Variants in SHANK2 observed in about 807,000 individuals in gnomAD.
The protein encoded by SHANK2 is SH3 and multiple ankyrin repeat domains protein 2.
Under a neutral mutation model 133.7 loss-of-function variants are expected in SHANK2, and 43 were observed. That is an observed-to-expected ratio of 0.32 (90% CI 0.25 to 0.41). The LOEUF is 0.41. Among genes scored for constraint, SHANK2 ranks in the 10% least tolerant of loss-of-function variants. The pLI, the probability that SHANK2 is intolerant of heterozygous loss-of-function variation, is 1.00. For synonymous variants in SHANK2, 1,017 were observed against 952.8 expected, an observed-to-expected ratio of 1.07 and a Z score of -1.24; for missense variants, 1,994 against 2,235.8, an observed-to-expected ratio of 0.89 and a Z score of 2.18.
At position 70,492,438 on chromosome 11, in the gene SHANK2, G is replaced by A. The variant is rs1555156137; in HGVS notation, c.2336C>T (p.Ser779Phe). The A allele has an allele frequency of 1.9e-6, 3 of 1,614,046 alleles. No individual in the cohort carries two copies. The highest frequency in any genetic ancestry group is 2.5e-6 in the Non-Finnish European group (3 of 1,180,042). Residue 779 changes from serine to phenylalanine, a missense_variant, in exon 22 of 26, where the codon TCC becomes TTC. Physicochemically the swap from Ser to Phe is radical, Grantham distance 155. This residue lies in a region of SHANK2 where 488 missense variants were observed against 642.6 expected (regional missense o/e 0.76). Coordinates refer to ENST00000601538, the MANE Select transcript of SHANK2 (RefSeq NM_012309.5). Reference sequence around the variant, plus strand: ...GTTCTCAGCAGCGCGGGAGGGCTTGGAGGCCGGGACTATCTCCTCGGGTTT... The same window carrying A: ...GTTCTCAGCAGCGCGGGAGGGCTTGAAGGCCGGGACTATCTCCTCGGGTTT... ...KDKPEEIVPA[S>F]KPSRAAENMA...
intron 2 of SHANK2, among the ~76,000 whole-genome samples, chr11:71,179,879 T>C (rs782775833): frequency 9.2e-5 from 14 of 152,310 alleles, no homozygotes; most frequent in Non-Finnish European, 1.6e-4. Context: ...TGGCGAAAGA[T>C]GTGAAAGATT....
chr11:71,178,851 T>A (rs1195859929), intron 2 of SHANK2, among the ~76,000 whole-genome samples: 1 of 151,988 alleles, frequency 6.6e-6, no homozygotes, highest in Non-Finnish European at 1.5e-5. Context: ...GGAGTGGTGG[T>A]GCACGCCTGT....
At chr11:70,879,504 G>A (rs908698426) in intron 11 of SHANK2, among the ~76,000 whole-genome samples, 3 of 152,222 alleles carry the variant, frequency 2.0e-5, no homozygotes, top group Non-Finnish European at 4.4e-5. Context: ...GCTCAGAGAG[G>A]TGCCGTGGCT....
At chr11:70,700,436 C>A (rs61886416) in intron 14 of SHANK2, among the ~76,000 whole-genome samples, 11,969 of 152,202 alleles carry the variant, frequency 0.079, 573 homozygotes, top group African/African-American at 0.11. Flanking sequence ...TGCTCAGGGC[C>A]GTGGGAGCCC....
rs114502277 is a variant in SHANK2, at chr11:71,105,795, T to G, written c.592+4146A>C. On this transcript the variant is annotated intron_variant, in intron 6 of 25. Coordinates refer to ENST00000601538, the MANE Select transcript of SHANK2 (RefSeq NM_012309.5). ...TCCGGACTGGAGGATCACTGTTGGG[T>G]ACAACTCCAGGCGTAAACCCTCATG... is the stretch of plus-strand genomic sequence containing the variant. 1.3e-3 allele frequency among the ~76,000 whole-genome samples: 200 copies of G among 152,158 alleles called. 1 individual carries two copies. Among genetic ancestry groups the G allele is most frequent in the African/African-American group, 4.5e-3 (188 of 41,492 alleles).
chr11:70,873,024 G>A (rs1555070493), intron 11 of SHANK2: 1 of 471,278 alleles, frequency 2.1e-6, no homozygotes, highest in Non-Finnish European at 4.4e-6. Flanking sequence ...GAAAGGAAGA[G>A]CGGAGGTAGT....
intron 2 of SHANK2, among the ~76,000 whole-genome samples, chr11:71,160,035 A>G (rs1952983987): frequency 6.6e-6 from 1 of 151,812 alleles, no homozygotes; most frequent in Admixed American, 6.6e-5. Flanking sequence ...AGCGCTGTGG[A>G]AAATCTGGGA....
At chr11:70,578,900 T>C (rs1465323902) in intron 17 of SHANK2, among the ~76,000 whole-genome samples, 1 of 152,194 alleles carries the variant, frequency 6.6e-6, no homozygotes, top group Non-Finnish European at 1.5e-5. Context: ...AGCTCTTCCC[T>C]GGCCTCCCCA....
chr11:70,825,424 G>A lies in SHANK2; in HGVS notation c.1175-4742C>T, dbSNP rs185218089. 1.2e-4 allele frequency among the ~76,000 whole-genome samples: 19 copies of A among 152,286 alleles called. No homozygotes were observed. In the East Asian group the frequency reaches 3.5e-3, roughly 28 times the overall value. ...TCTGTCAGAAGAGTATGGACTTAGA[G>A]GGGGGAAGAATTCACATGGGGAGGC... is the stretch of plus-strand genomic sequence containing the variant. On this transcript the variant is annotated intron_variant, in intron 11 of 25. Transcript: ENST00000601538.
chr11:71,182,190 T>A (rs919953680), intron 2 of SHANK2, among the ~76,000 whole-genome samples: 2 of 152,082 alleles, frequency 1.3e-5, no homozygotes, highest in Non-Finnish European at 2.9e-5. Context: ...CAGGTTCCCA[T>A]GCCTGTAAGT....
At chr11:71,111,925 G>A (rs1250218337) in intron 5 of SHANK2, among the ~76,000 whole-genome samples, 1 of 152,236 alleles carries the variant, frequency 6.6e-6, no homozygotes, top group South Asian at 2.1e-4. Context: ...GGCAGAGGCA[G>A]GGGAAGTATC....
intron 17 of SHANK2, among the ~76,000 whole-genome samples, chr11:70,635,716 C>T (rs2061067047): frequency 6.6e-6 from 1 of 151,548 alleles, no homozygotes; most frequent in South Asian, 2.1e-4. Context: ...ACGGTATGTG[C>T]ACTGTACTAC....
intron 3 of SHANK2, among the ~76,000 whole-genome samples, chr11:71,124,203 G>GTGA (rs1287999897): frequency 2.7e-3 from 5 of 1,858 alleles, no homozygotes; most frequent in African/African-American, 9.1e-3. Flanking sequence ...GGTGATGATG[G>GTGA]TGGTGATGAT....
intron 2 of SHANK2, among the ~76,000 whole-genome samples, chr11:71,151,731 C>T (rs1471963425): frequency 6.6e-5 from 10 of 152,226 alleles, no homozygotes; most frequent in African/African-American, 9.6e-5. Context: ...AGAGCAGACA[C>T]GGCCCACACT....
At chr11:71,210,254 T>TATATATATATA (rs1565516818) in intron 2 of SHANK2, among the ~76,000 whole-genome samples, 9 of 59,950 alleles carry the variant, frequency 1.5e-4, no homozygotes, top group African/African-American at 2.5e-4. Flanking sequence ...ATATATATAT[T>TATATATATATA]TATTTATTTT....
chr11:70,544,526 G>T (rs2059664455), intron 17 of SHANK2, among the ~76,000 whole-genome samples: 1 of 152,148 alleles, frequency 6.6e-6, no homozygotes, highest in Non-Finnish European at 1.5e-5. Context: ...GGTTCACCAG[G>T]GCCCAAATCC....
chr11:70,748,834 C>T (rs1555036845), intron 14 of SHANK2, among the ~76,000 whole-genome samples: 1 of 152,204 alleles, frequency 6.6e-6, no homozygotes, highest in Non-Finnish European at 1.5e-5. Context: ...CCCCTCCCAC[C>T]AGCCCTGCTG....
chr11:70,898,326 A>G (rs113781452), intron 10 of SHANK2, among the ~76,000 whole-genome samples: 2,686 of 135,862 alleles, frequency 0.02, 59 homozygotes, highest in South Asian at 0.069. Flanking sequence ...ATATATGTGT[A>G]TATATATATA....
intron 15 of SHANK2, among the ~76,000 whole-genome samples, chr11:70,665,420 G>A (rs562335858): frequency 3.2e-4 from 48 of 152,214 alleles, no homozygotes; most frequent in Non-Finnish European, 5.1e-4. Context: ...GATTATAGAC[G>A]TGAGCCACCA....
Sources: gnomAD v4.1 joint callset for allele counts (sites outside exome capture counted in the v4.1 genomes callset) on GRCh38, gnomAD v4.1.1 for gene constraint, gnomAD v4.1.1 regional missense constraint, MANE v1.5 for transcripts, NCBI Gene and HGNC (gene_info 2026-07-23, HGNC 2026-07-21) for gene names.